MTMR8: variants seen among roughly 807,000 people sequenced by gnomAD.
The protein encoded by MTMR8 is myotubularin related protein 8.
Under a neutral mutation model 39.3 loss-of-function variants are expected in MTMR8, and 65 were observed. That is an observed-to-expected ratio of 1.65 (90% CI 1.35 to 2.03). MTMR8 has a LOEUF of 2.03. Ranked by LOEUF, MTMR8 falls within the 30% of genes most tolerant of loss-of-function variation. The pLI is 0.00. For synonymous variants in MTMR8, 245 were observed against 185.2 expected (o/e 1.32, Z -2.62); for missense variants, 777 against 538.9 (o/e 1.44, Z -4.37).
chrX:64,374,606 GTAGT>G (rs1385271101), intron 1 of MTMR8, among the ~76,000 whole-genome samples: 4 of 111,850 alleles, frequency 3.6e-5, no homozygotes, highest in Non-Finnish European at 7.5e-5. Context: ...TGGAATAAAA[GTAGT>G]TAAAGAGAAG....
Position 64,269,041 on chromosome X carries a change from T to C in MTMR8, c.1611A>G (p.Lys537=). The C allele has an allele frequency of 9.9e-6, 12 of 1,206,617 alleles. No individual in the cohort carries two copies. Among genetic ancestry groups the C allele is most frequent in the Non-Finnish European group, 1.3e-5 (12 of 893,106 alleles). ...CTGGTGGCTCATCACGGACTTTTAG[T>C]TTCTGCCTCAGGAGCAAGAAAGGGT... ...LETDVHELEK[K]LKVRDEPPEE... is the part of the protein sequence containing the mutation. The change falls in exon 14 of 14, where the codon AAA becomes AAG. Residue 537 remains lysine (K), a splice_region_variant and synonymous_variant. Coordinates refer to ENST00000374852, the MANE Select transcript of MTMR8 (RefSeq NM_017677.4).
Position 64,395,368 on chromosome X carries a change from G to T in MTMR8, c.-5C>A, listed in dbSNP as rs1569235984. ...GGGTACCGTAATATGATCCATGACT[G>T]CAGTTCCCGCCACCGGAAGATCTCA... On this transcript the variant is annotated 5_prime_UTR_variant, in exon 1 of 14. Transcript: ENST00000374852. 5.8e-6 allele frequency: 7 copies of T among 1,209,213 alleles called. No homozygotes were observed. Among genetic ancestry groups the T allele is most frequent in the Non-Finnish European group, 7.8e-6 (7 of 894,305 alleles).
chrX:64,331,360 A>G, intron 11 of MTMR8, 197 bp downstream of exon 11: 1 of 431,821 alleles, frequency 2.3e-6, no homozygotes, highest in Non-Finnish European at 4.1e-6. Context: ...TATTATCCCT[A>G]TTTTACAGAT....
chrX:64,331,764 G>C lies in MTMR8; in HGVS notation c.1152-7C>G. 8.4e-7 allele frequency: 1 copy of C among 1,191,677 alleles called. No individual in the cohort carries two copies. Among genetic ancestry groups the C allele is most frequent in the Non-Finnish European group, 1.1e-6 (1 of 879,212 alleles). ...CCCATCGAGGTGGCCACACCTGAGA[G>C]ATGAAAATAAAGGTAAAGAAAGACA... On this transcript the variant is annotated splice_region_variant and splice_polypyrimidine_tract_variant and intron_variant, in intron 10 of 13. Transcript: ENST00000374852.
chrX:64,355,816 G>A (rs893748987), intron 3 of MTMR8, among the ~76,000 whole-genome samples: 1 of 111,285 alleles, frequency 9.0e-6, no homozygotes, highest in Non-Finnish European at 1.9e-5. Context: ...CTGCAGGACA[G>A]CAGGAAACAA....
intron 12 of MTMR8, among the ~76,000 whole-genome samples, chrX:64,276,017 T>A (rs1312475680): frequency 8.9e-6 from 1 of 112,038 alleles, no homozygotes; most frequent in Non-Finnish European, 1.9e-5. Flanking sequence ...TGAAGAATTC[T>A]CCCAAATATT....
intron 12 of MTMR8, among the ~76,000 whole-genome samples, chrX:64,302,177 T>A (rs1404918618): frequency 4.4e-5 from 5 of 112,635 alleles, no homozygotes; most frequent in African/African-American, 6.4e-5. Flanking sequence ...CGCTGCTGCC[T>A]TGCAGTTTGA....
At chrX:64,283,036 C>A in intron 12 of MTMR8, among the ~76,000 whole-genome samples, 1 of 112,103 alleles carries the variant, frequency 8.9e-6, no homozygotes, top group Non-Finnish European at 1.9e-5. Flanking sequence ...CATCGCCTCA[C>A]CCAGGAAGCG....
At chrX:64,327,848 A>G (rs1922839253) in intron 12 of MTMR8, among the ~76,000 whole-genome samples, 1 of 112,111 alleles carries the variant, frequency 8.9e-6, no homozygotes, top group Non-Finnish European at 1.9e-5. Context: ...TATTTTAGCA[A>G]TAAAAAAGAA....
chrX:64,296,650 T>C (rs1372051880), intron 12 of MTMR8, among the ~76,000 whole-genome samples: 1 of 105,826 alleles, frequency 9.4e-6, no homozygotes, highest in Non-Finnish European at 1.9e-5. Context: ...TACATATGTA[T>C]ACATGTGCCA....
At chrX:64,375,755 T>C (rs765427960) in intron 1 of MTMR8, among the ~76,000 whole-genome samples, 42 of 111,821 alleles carry the variant, frequency 3.8e-4, no homozygotes, top group Middle Eastern at 4.6e-3. Flanking sequence ...CATCTTATCT[T>C]GGACTTCACA....
chrX:64,293,866 C>T (rs1421772381), intron 12 of MTMR8, among the ~76,000 whole-genome samples: 1 of 111,741 alleles, frequency 8.9e-6, no homozygotes, highest in Non-Finnish European at 1.9e-5. Context: ...TCTGGTTGTA[C>T]CCCTGAGACT....
At chrX:64,392,631 C>T (rs1180561997) in intron 1 of MTMR8, among the ~76,000 whole-genome samples, 7 of 110,256 alleles carry the variant, frequency 6.3e-5, no homozygotes, top group Non-Finnish European at 9.5e-5. Flanking sequence ...ATCTCAGTAG[C>T]GGTTGCACAG....
intron 12 of MTMR8, among the ~76,000 whole-genome samples, chrX:64,323,131 A>T (rs1424520868): frequency 1.8e-5 from 2 of 112,342 alleles, no homozygotes; most frequent in African/African-American, 6.5e-5. Context: ...AAACTGGCAG[A>T]CTTCTGCTGC....
At chrX:64,336,423 T>A (rs1923074590) in intron 9 of MTMR8, among the ~76,000 whole-genome samples, 1 of 109,854 alleles carries the variant, frequency 9.1e-6, no homozygotes, top group Non-Finnish European at 1.9e-5. Context: ...GATATTAAAT[T>A]CACACTTTGA....
At chrX:64,313,550 G>A (rs1351155506) in intron 12 of MTMR8, among the ~76,000 whole-genome samples, 1 of 112,640 alleles carries the variant, frequency 8.9e-6, no homozygotes. Flanking sequence ...TTTGGTGCAA[G>A]AGCCCTAGCT....
rs1931681116 is a variant in MTMR8 at position 64,268,567 on chromosome X, G to C, written c.2085C>G (p.Thr695=). Residue 695 remains threonine, a synonymous_variant, in exon 14 of 14, where the codon ACC becomes ACG. Coordinates refer to ENST00000374852, the MANE Select transcript of MTMR8 (RefSeq NM_017677.4). ...GATGCTTGGAGTAGTCTGCCTCCTT[G>C]GTGCTGGCCTTGGAGATGCCTGTGT... The part of the protein sequence containing the change: ...LGDTGISKAS[T]KEADYSKHQ The C allele has an allele frequency of 8.3e-7, 1 of 1,209,163 alleles. No homozygotes were observed. The highest frequency in any genetic ancestry group is 1.7e-5 in the African/African-American group (1 of 57,634).
At chrX:64,329,143 C>G (rs979504172) in intron 11 of MTMR8, among the ~76,000 whole-genome samples, 3 of 111,713 alleles carry the variant, frequency 2.7e-5, no homozygotes, top group Non-Finnish European at 5.7e-5. Flanking sequence ...TATTGGAGAA[C>G]AGGAGATTCT....
intron 1 of MTMR8, among the ~76,000 whole-genome samples, chrX:64,381,557 C>G (rs1924425175): frequency 9.2e-6 from 1 of 108,842 alleles, no homozygotes; most frequent in African/African-American, 3.4e-5. Context: ...TGTAGGTTGC[C>G]TGTTCTCTCT....
Sources: gnomAD v4.1 joint callset for allele counts (sites outside exome capture counted in the v4.1 genomes callset) on GRCh38, gnomAD v4.1.1 for gene constraint, MANE v1.5 for transcripts, NCBI Gene and HGNC (gene_info 2026-07-23, HGNC 2026-07-21) for gene names.